The following PRKCH variants were observed in gnomAD, a reference collection of about 807,000 sequenced individuals.
PRKCH encodes protein kinase C eta type.
A neutral mutation model predicts 82.5 loss-of-function variants in PRKCH; 28 were observed. That is an observed-to-expected ratio of 0.34 (90% CI 0.25 to 0.47). The LOEUF (loss-of-function observed/expected upper bound fraction) is 0.47, where lower values mean the gene tolerates loss of function less well. Among genes scored for constraint, PRKCH ranks in the 20% least tolerant of loss-of-function variants. The probability of loss-of-function intolerance (pLI) is 1.00; values close to 1 mark genes in which losing one functional copy is unlikely to be tolerated. For missense variants in PRKCH, 705 were observed against 881.8 expected, an observed-to-expected ratio of 0.80 and a Z score of 2.54; for synonymous variants, 322 against 327.4, an observed-to-expected ratio of 0.98 and a Z score of 0.18.
At chr14:61,366,470 C>T (rs2046297689) in intron 1 of PRKCH, among the ~76,000 whole-genome samples, 1 of 152,040 alleles carries the variant, frequency 6.6e-6, no homozygotes, top group Admixed American at 6.5e-5. Flanking sequence ...CAGATCCAAA[C>T]TTAGAAGGAA....
intron 1 of PRKCH, among the ~76,000 whole-genome samples, chr14:61,336,392 C>G (rs2045857744): frequency 2.0e-5 from 3 of 152,168 alleles, no homozygotes; most frequent in Admixed American, 2.0e-4. Context: ...TAGGTCCTCT[C>G]TGGAAGTTCT....
chr14:61,528,420 C>T (rs969958118), intron 10 of PRKCH, among the ~76,000 whole-genome samples: 1 of 152,150 alleles, frequency 6.6e-6, no homozygotes, highest in Admixed American at 6.5e-5. Context: ...TTTCAAACTC[C>T]TGAACTCAAG....
At chr14:61,391,129 G>A in intron 1 of PRKCH, 96 bp from the exon 2 acceptor site, 1 of 957,778 alleles carries the variant, frequency 1.0e-6, no homozygotes, top group Non-Finnish European at 1.5e-6. Flanking sequence ...TTGTGGCTGT[G>A]ATTTACACAT....
Position 61,453,315 on chromosome 14 carries a change from G to A in PRKCH, c.922G>A (p.Gly308Arg). Reference protein sequence around the residue: ...NAVELAKTLAGMGLQPGNISP... With the variant: ...NAVELAKTLARMGLQPGNISP... ...GGTGGAACTTGCCAAGACCCTGGCAGGGATGGGTCTCCAACCCGGAAATAT... is the reference window on the plus strand; with the variant it reads ...GGTGGAACTTGCCAAGACCCTGGCAAGGATGGGTCTCCAACCCGGAAATAT... Residue 308 changes from glycine (G) to arginine (R), a missense_variant, in exon 7 of 14, where the codon GGG becomes AGG. Gly to Arg is a moderately radical substitution (Grantham distance 125). Around this residue, in one of 5 missense-constraint regions of PRKCH, gnomAD observed 238 missense variants for 258.1 expected, o/e 0.92. Transcript: ENST00000332981. 2 of 1,614,064 alleles carry A rather than the reference G, an allele frequency of 1.2e-6. No homozygotes were observed. Among genetic ancestry groups the A allele is most frequent in the Non-Finnish European group, 8.5e-7 (1 of 1,179,944 alleles).
intron 1 of PRKCH, among the ~76,000 whole-genome samples, chr14:61,383,615 C>T (rs184587471): frequency 6.6e-6 from 1 of 152,002 alleles, no homozygotes; most frequent in African/African-American, 2.4e-5. Context: ...AACCTGTAGC[C>T]CTAGGAGCTC....
At chr14:61,427,209 TCTG>T (rs1566875926) in intron 2 of PRKCH, among the ~76,000 whole-genome samples, 1 of 152,182 alleles carries the variant, frequency 6.6e-6, no homozygotes, top group South Asian at 2.1e-4. Flanking sequence ...GATTCAAAGA[TCTG>T]CTTATTGGCA....
chr14:61,302,198 G>T (rs1954013), intron 1 of PRKCH, among the ~76,000 whole-genome samples: 1 of 152,212 alleles, frequency 6.6e-6, no homozygotes, highest in African/African-American at 2.4e-5. Flanking sequence ...TAATAACTAT[G>T]TGATCTGTGG....
intron 2 of PRKCH, among the ~76,000 whole-genome samples, chr14:61,420,181 ACGTGTGTGTGTG>A (rs1291961301): frequency 6.6e-6 from 1 of 151,854 alleles, no homozygotes; most frequent in Admixed American, 6.6e-5. Context: ...GTGCCTCTGT[ACGTGTGTGTGTG>A]CGTGTATGTG....
rs2043306813 is a variant in PRKCH, at chr14:61,549,986, A to G, written c.*155A>G. The G allele has an allele frequency of 5.3e-6, 4 of 757,418 alleles. No homozygotes were observed. The highest frequency in any genetic ancestry group is 2.1e-5 in the South Asian group (1 of 48,242). The allele number at this position is 757,418 out of a possible 1,614,324, so 46.9% of individuals were successfully genotyped here. A position where few individuals can be genotyped will look rare whatever the true frequency, so the allele number is the denominator to read the frequency against. On this transcript the variant is annotated 3_prime_UTR_variant, in exon 14 of 14. Coordinates refer to ENST00000332981, the MANE Select transcript of PRKCH (RefSeq NM_006255.5). ...ACTCTGTGAAGGATGGAACTTTCAGATATCAACTATTTAGAGTCCAGAGGG... is the reference window on the plus strand; with the variant it reads ...ACTCTGTGAAGGATGGAACTTTCAGGTATCAACTATTTAGAGTCCAGAGGG...
At chr14:61,502,099 C>T (rs1420235778) in intron 10 of PRKCH, among the ~76,000 whole-genome samples, 1 of 138,260 alleles carries the variant, frequency 7.2e-6, no homozygotes. Flanking sequence ...TGGAGTCTCA[C>T]TCTCACTCAG....
chr14:61,285,379 A>T (rs961146909), intron 1 of PRKCH, among the ~76,000 whole-genome samples: 3 of 152,212 alleles, frequency 2.0e-5, no homozygotes, highest in African/African-American at 7.2e-5. Context: ...GCCGGACCTT[A>T]AGGAAGTTCA....
chr14:61,273,030 A>T (rs948628322), intron 1 of PRKCH, among the ~76,000 whole-genome samples: 12 of 152,276 alleles, frequency 7.9e-5, no homozygotes, highest in Non-Finnish European at 1.8e-4. Flanking sequence ...ATATTACTTT[A>T]AAAAAATAAA....
chr14:61,337,889 C>G (rs1477712459), intron 1 of PRKCH, among the ~76,000 whole-genome samples: 5 of 152,218 alleles, frequency 3.3e-5, no homozygotes, highest in Non-Finnish European at 7.3e-5. Context: ...TACGGCACAA[C>G]AGTGTTTGCA....
chr14:61,512,975 C>T (rs1358370902), intron 10 of PRKCH, among the ~76,000 whole-genome samples: 1 of 152,092 alleles, frequency 6.6e-6, no homozygotes, highest in South Asian at 2.1e-4. Context: ...CACCACCACA[C>T]CCAGCTAGTT....
At chr14:61,498,138 C>G (rs1323608026) in intron 10 of PRKCH, among the ~76,000 whole-genome samples, 2 of 152,102 alleles carry the variant, frequency 1.3e-5, no homozygotes, top group Non-Finnish European at 2.9e-5. Flanking sequence ...CTCAGCCTCC[C>G]AAGTGCCTGG....
intron 1 of PRKCH, among the ~76,000 whole-genome samples, chr14:61,267,439 A>G (rs1014928224): frequency 2.0e-4 from 31 of 152,226 alleles, no homozygotes. Context: ...GAGGTATATT[A>G]CATGGGCTTC....
At chr14:61,511,407 C>A (rs908331954) in intron 10 of PRKCH, among the ~76,000 whole-genome samples, 1 of 152,154 alleles carries the variant, frequency 6.6e-6, no homozygotes, top group South Asian at 2.1e-4. Context: ...TCACCTGTCA[C>A]ACCTGGCTCC....
At chr14:61,367,038 C>T (rs1206871751) in intron 1 of PRKCH, among the ~76,000 whole-genome samples, 1 of 152,024 alleles carries the variant, frequency 6.6e-6, no homozygotes, top group African/African-American at 2.4e-5. Flanking sequence ...ATCCACTTTC[C>T]TACATATTCC....
chr14:61,331,406 G>T (rs1045605458), intron 1 of PRKCH, among the ~76,000 whole-genome samples: 13 of 152,122 alleles, frequency 8.5e-5, no homozygotes, highest in Non-Finnish European at 1.5e-4. Flanking sequence ...GTAGTCCCGT[G>T]TACTGGGGAG....
Sources: gnomAD v4.1 joint callset for allele counts (sites outside exome capture counted in the v4.1 genomes callset) on GRCh38, gnomAD v4.1.1 for gene constraint, gnomAD v4.1.1 regional missense constraint, MANE v1.5 for transcripts, NCBI Gene and HGNC (gene_info 2026-07-23, HGNC 2026-07-21) for gene names.